Variants in MTSS2 observed in about 807,000 individuals in gnomAD.
MTSS2 encodes MTSS I-BAR domain containing 2.
Under a neutral mutation model 67.1 loss-of-function variants are expected in MTSS2, and 27 were observed. That is an observed-to-expected ratio of 0.40 (90% confidence interval 0.30 to 0.55). The LOEUF is 0.55. Among genes scored for constraint, MTSS2 ranks in the 20% least tolerant of loss-of-function variants. The pLI, the probability that MTSS2 is intolerant of heterozygous loss-of-function variation, is 0.43. For synonymous variants in MTSS2, 624 were observed against 468.6 expected (o/e 1.33, Z -4.28); for missense variants, 1,171 against 1,067.8 (o/e 1.10, Z -1.35).
At position 70,679,875 on chromosome 16, in the gene MTSS2, G is replaced by A. The variant is rs753837562; in HGVS notation, c.293C>T (p.Ala98Val). The change falls in exon 5 of 15, where the codon GCA becomes GTA. Residue 98 changes from alanine (A) to valine (V), a missense_variant and splice_region_variant. Coordinates refer to ENST00000338779, the MANE Select transcript of MTSS2 (RefSeq NM_138383.3). ...IETKLRQFTN[A>V]LLESLINPLQ... ...CGGGTTGATGAGGCTCTCCAGCAGTGCGCTGCGGAGGGCGGGCGGGAGCGC... is the reference window on the plus strand; with the variant it reads ...CGGGTTGATGAGGCTCTCCAGCAGTACGCTGCGGAGGGCGGGCGGGAGCGC... 8.1e-6 allele frequency: 13 copies of A among 1,599,162 alleles called. No individual in the cohort carries two copies. Among genetic ancestry groups the A allele is most frequent in the Non-Finnish European group, 1.0e-5 (12 of 1,178,598 alleles).
rs772574993 is a variant in MTSS2, at chr16:70,685,720, T to C, written c.69+3A>G. 7.4e-7 allele frequency: 1 copy of C among 1,345,406 alleles called. No individual in the cohort carries two copies. Among genetic ancestry groups the C allele is most frequent in the South Asian group, 1.5e-5 (1 of 66,852 alleles). 83.3% of individuals were successfully genotyped at this position (1,345,406 alleles called of 1,614,324 possible). A position where few individuals can be genotyped will look rare whatever the true frequency, so the allele number is the denominator to read the frequency against. The stretch of plus-strand genomic sequence containing the variant: ...GCGCCCGGCCCCGCCGCGCCCCGGT[T>C]ACCTTCATGTCGTTGACTATGGCCT... On this transcript the variant is annotated splice_donor_region_variant and intron_variant, in intron 1 of 14. Transcript: ENST00000338779.
chr16:70,665,470 G>T lies in MTSS2; in HGVS notation c.1124C>A (p.Thr375Asn), dbSNP rs1045174456. 6.4e-7 allele frequency: 1 copy of T among 1,555,122 alleles called. No homozygotes were observed. Residue 375 changes from threonine to asparagine, a missense_variant, in exon 12 of 15, where the codon ACC (threonine) becomes AAC (asparagine). Thr to Asn is a moderately conservative substitution (Grantham distance 65, BLOSUM62 0). Around this residue, in one of 2 missense-constraint regions of MTSS2, gnomAD observed 924 missense variants for 756.0 expected, o/e 1.22. Transcript: ENST00000338779. Reference protein sequence around the residue: ...CQSVSECSSPTSDWSKVGSHE... With the variant: ...CQSVSECSSPNSDWSKVGSHE... ...GGCCGGGCTGGGAGCACTGACCGAG[G>T]TGGGGGAGCTGCACTCGCTAACGGA... is the stretch of plus-strand genomic sequence containing the variant.
intron 1 of MTSS2, among the ~76,000 whole-genome samples, chr16:70,683,956 G>A (rs1330005518): frequency 6.6e-6 from 1 of 152,244 alleles, no homozygotes. Context: ...CATCCCAGGT[G>A]AAGCCTCTCC....
At chr16:70,678,522 C>T in intron 7 of MTSS2, 113 bp from the exon 8 acceptor site, 1 of 1,321,718 alleles carries the variant, frequency 7.6e-7, no homozygotes, top group Non-Finnish European at 1.0e-6. Context: ...CTGGGTGTTG[C>T]CCTGGGGCCA....
chr16:70,663,588 T>A lies in MTSS2; in HGVS notation c.*89A>T. The A allele has an allele frequency of 1.4e-6, 2 of 1,453,040 alleles. No homozygotes were observed. Among genetic ancestry groups the A allele is most frequent in the Non-Finnish European group, 1.8e-6 (2 of 1,102,016 alleles). 90.0% of individuals were successfully genotyped at this position (1,453,040 alleles called of 1,614,324 possible). ...TCTGCCCTGGCTCTGTCCTCTCTCC[T>A]GGCTGGGCCTTTGCTCTGAGTGCCT... On this transcript the variant is annotated 3_prime_UTR_variant, in exon 15 of 15. Transcript: ENST00000338779.
At chr16:70,683,042 A>G (rs1323330974) in intron 1 of MTSS2, among the ~76,000 whole-genome samples, 1 of 152,166 alleles carries the variant, frequency 6.6e-6, no homozygotes, top group African/African-American at 2.4e-5. Context: ...GATGTGAGAG[A>G]CACCCAGTTC....
intron 10 of MTSS2, among the ~76,000 whole-genome samples, chr16:70,676,612 C>G (rs1453702347): frequency 6.6e-6 from 1 of 152,214 alleles, no homozygotes. Flanking sequence ...GCATAAAGCA[C>G]TTAGCACAGC....
chr16:70,672,702 A>C (rs1352761530), intron 11 of MTSS2, among the ~76,000 whole-genome samples: 1 of 151,482 alleles, frequency 6.6e-6, no homozygotes, highest in Non-Finnish European at 1.5e-5. Context: ...AAAAAGAAAA[A>C]GTCGATTGTA....
At chr16:70,664,518 C>T in intron 14 of MTSS2, 69 bp from the exon 15 acceptor site, 2 of 1,569,568 alleles carry the variant, frequency 1.3e-6, no homozygotes, top group Non-Finnish European at 1.7e-6. Context: ...CCAGGGTGAG[C>T]ACAGAGGGGG....
chr16:70,674,170 G>A (rs1286005851), intron 11 of MTSS2, 136 bp downstream of exon 11: 2 of 717,812 alleles, frequency 2.8e-6, no homozygotes, highest in African/African-American at 3.6e-5. Flanking sequence ...ACAGAATAAA[G>A]GCCTTGGGGG....
chr16:70,680,918 G>GGGGGGGGGGGGGGGGGGGGCCCCCCC, intron 2 of MTSS2, 46 bp downstream of exon 2: 3 of 1,097,906 alleles, frequency 2.7e-6, no homozygotes, highest in Non-Finnish European at 4.0e-6. Context: ...CGGGGGGGGG[G>GGGGGGGGGGGGGGGGGGGGCCCCCCC]CCTCTGCCTG....
intron 1 of MTSS2, among the ~76,000 whole-genome samples, chr16:70,684,097 C>G (rs1046479416): frequency 3.3e-5 from 5 of 152,236 alleles, no homozygotes; most frequent in Admixed American, 3.3e-4. Flanking sequence ...GAGAGACTGT[C>G]CTAGTCCACT....
rs922495407 is a variant in MTSS2 at position 70,663,746 on chromosome 16, C to A, written c.2175G>T (p.Val725=). 6.4e-7 allele frequency: 1 copy of A among 1,571,836 alleles called. No homozygotes were observed. The highest frequency in any genetic ancestry group is 1.3e-5 in the African/African-American group (1 of 74,206). Residue 725 remains valine (V), a synonymous_variant, in exon 15 of 15, where the codon GTG becomes GTT. Coordinates refer to ENST00000338779, the MANE Select transcript of MTSS2 (RefSeq NM_138383.3). The part of the protein sequence containing the change: ...TSDPPAEDML[V]AIRRGVRLRR... ...GGAGCCGGACCCCACGCCGGATGGC[C>A]ACCAGCATGTCTTCGGCCGGGGGGT...
chr16:70,663,778 T>C lies in MTSS2; in HGVS notation c.2143A>G (p.Thr715Ala). ...EETPTPPPAA[T>A]SDPPAEDMLV... ...ATGTCTTCGGCCGGGGGGTCGCTGG[T>C]GGCGGCTGGGGGTGGGGTGGGCGTC... The change falls in exon 15 of 15, where the codon ACC (threonine) becomes GCC (alanine). Residue 715 changes from threonine to alanine, a missense_variant. This residue lies in a region of MTSS2 where 924 missense variants were observed against 756.0 expected (regional missense o/e 1.22). Transcript: ENST00000338779. The C allele has an allele frequency of 6.9e-7, 1 of 1,438,990 alleles. No individual in the cohort carries two copies. The highest frequency in any genetic ancestry group is 9.2e-7 in the Non-Finnish European group (1 of 1,085,804). The allele number at this position is 1,438,990 out of a possible 1,614,324, so 89.1% of individuals were successfully genotyped here.
At chr16:70,685,654 C>A in intron 1 of MTSS2, 69 bp downstream of exon 1, 1 of 996,370 alleles carries the variant, frequency 1.0e-6, no homozygotes, top group Non-Finnish European at 1.2e-6. Context: ...CTCGGCCACC[C>A]GCCGCCACGC....
intron 11 of MTSS2, among the ~76,000 whole-genome samples, chr16:70,668,552 T>C (rs969441750): frequency 7.2e-5 from 11 of 152,188 alleles, no homozygotes; most frequent in African/African-American, 2.7e-4. Flanking sequence ...TGACTGATGA[T>C]GAAGGCAGCA....
chr16:70,666,296 G>T (rs573123129), intron 11 of MTSS2, among the ~76,000 whole-genome samples: 1 of 152,268 alleles, frequency 6.6e-6, no homozygotes, highest in African/African-American at 2.4e-5. Context: ...AAGGGGGTGG[G>T]GGAAGGCTGT....
intron 11 of MTSS2, among the ~76,000 whole-genome samples, chr16:70,672,024 G>A (rs1339557780): frequency 1.3e-5 from 2 of 152,238 alleles, no homozygotes; most frequent in Non-Finnish European, 2.9e-5. Context: ...ACGAGCTGCA[G>A]AAACTGAGGT....
rs746979324 is a variant in MTSS2 at position 70,663,833 on chromosome 16, G to T, written c.2088C>A (p.Pro696=). Residue 696 remains proline, a synonymous_variant, in exon 15 of 15, where the codon CCC becomes CCA. Transcript: ENST00000338779. ...CCGTGGGGGTGGCCGACAGAGCAGTGGGGAAGGGGAACTGGCCCTCACCCA... is the reference window on the plus strand; with the variant it reads ...CCGTGGGGGTGGCCGACAGAGCAGTTGGGAAGGGGAACTGGCCCTCACCCA... ...HALGEGQFPF[P]TALSATPTEE... is the part of the protein sequence containing the mutation. The T allele has an allele frequency of 3.2e-6, 5 of 1,539,208 alleles. No homozygotes were observed. The highest frequency in any genetic ancestry group is 2.7e-5 in the African/African-American group (2 of 72,946).
Sources: allele counts gnomAD v4.1 joint callset (sites outside exome capture counted in the v4.1 genomes callset), GRCh38; gene constraint gnomAD v4.1.1; regional missense constraint gnomAD v4.1.1; transcripts MANE v1.5; gene names NCBI Gene and HGNC (gene_info 2026-07-23, HGNC 2026-07-21).